The following PPP6R2 variants were observed in gnomAD, a reference collection of about 807,000 sequenced individuals.
The protein encoded by PPP6R2 is serine/threonine-protein phosphatase 6 regulatory subunit 2.
In PPP6R2, 62 loss-of-function variants were observed where a neutral mutation model predicts 100.2. The observed-to-expected ratio is 0.62, with a 90% CI of 0.50 to 0.76. PPP6R2 has a LOEUF of 0.76. PPP6R2 is among the 30% of genes least tolerant of loss of function. The pLI, the probability that PPP6R2 is intolerant of heterozygous loss-of-function variation, is 0.00. For missense variants in PPP6R2, 1,142 were observed against 1,276.3 expected, an observed-to-expected ratio of 0.89 and a Z score of 1.60; for synonymous variants, 525 against 514.7, an observed-to-expected ratio of 1.02 and a Z score of -0.27.
chr22:50,365,875 G>A (rs1475028757), intron 1 of PPP6R2, among the ~76,000 whole-genome samples: 2 of 151,928 alleles, frequency 1.3e-5, no homozygotes, highest in South Asian at 2.1e-4. Context: ...TTATAGACAT[G>A]AGCCCCTGTA....
chr22:50,370,975 G>C (rs1170685106), intron 1 of PPP6R2, among the ~76,000 whole-genome samples: 1 of 152,220 alleles, frequency 6.6e-6, no homozygotes, highest in Non-Finnish European at 1.5e-5. Flanking sequence ...GTAGAGGTCA[G>C]GGTATTGGGA....
At chr22:50,334,043 T>C in the PPP6R2 span, among the ~76,000 whole-genome samples, 1 of 152,272 alleles carries the variant, frequency 6.6e-6, no homozygotes, top group East Asian at 1.9e-4. Flanking sequence ...TTTAATACTT[T>C]CACTAACTTT....
At chr22:50,410,160 C>A (rs553575830) in intron 4 of PPP6R2, among the ~76,000 whole-genome samples, 5 of 151,834 alleles carry the variant, frequency 3.3e-5, no homozygotes. Flanking sequence ...CATACCCTGC[C>A]CCCCAAAAAT....
chr22:50,431,461 C>A lies in PPP6R2; in HGVS notation c.1335+79C>A. 7.7e-7 allele frequency: 1 copy of A among 1,300,126 alleles called. No homozygotes were observed. Among genetic ancestry groups the A allele is most frequent in the South Asian group, 1.3e-5 (1 of 77,550 alleles). 80.5% of individuals were successfully genotyped at this position (1,300,126 alleles called of 1,614,324 possible). On this transcript the variant is annotated intron_variant, in intron 11 of 23. Transcript: ENST00000612753. The surrounding 1 kb of genome is among the most constrained non-coding windows in gnomAD (Gnocchi z 4.8). ...GTGTCCATGTCAGCGCTGACGTGTG[C>A]CGGACCTCACTGTGCAGCTGACACG...
Position 50,431,331 on chromosome 22 carries a change from G to A in PPP6R2, c.1284G>A (p.Leu428=), listed in dbSNP as rs1337141141. The A allele has an allele frequency of 3.7e-6, 6 of 1,613,088 alleles. No individual in the cohort carries two copies. In the South Asian group the frequency reaches 5.5e-5, roughly 15 times the overall value. Residue 428 remains leucine (L), a synonymous_variant, in exon 11 of 24, where the codon CTG becomes CTA. Transcript: ENST00000612753. The surrounding 1 kb of genome is among the most constrained non-coding windows in gnomAD (Gnocchi z 4.8). ...EPPHENGNRS[L]ETPQPAASLP... ...CGCATGAGAACGGGAACCGGAGCCTGGAGACTCCCCAGCCGGCCGCCAGCC... is the reference window on the plus strand; with the variant it reads ...CGCATGAGAACGGGAACCGGAGCCTAGAGACTCCCCAGCCGGCCGCCAGCC...
At chr22:50,365,438 G>A (rs77524564) in intron 1 of PPP6R2, among the ~76,000 whole-genome samples, 32,399 of 151,708 alleles carry the variant, frequency 0.21, 4,993 homozygotes, top group African/African-American at 0.43. Flanking sequence ...CAGCACTTTC[G>A]GAGGCCGAGG....
intron 1 of PPP6R2, among the ~76,000 whole-genome samples, chr22:50,350,823 C>T (rs1479149418): frequency 3.5e-5 from 5 of 143,688 alleles, no homozygotes; most frequent in Admixed American, 7.1e-5. Flanking sequence ...CCAGCCTGGG[C>T]GACAGAGCAA....
chr22:50,338,989 GTAGTATGTGTGGTA>G (rs913132358), upstream of PPP6R2, among the ~76,000 whole-genome samples: 5 of 137,454 alleles, frequency 3.6e-5, no homozygotes, highest in Admixed American at 7.1e-5. Context: ...TGTGTGGTAT[GTAGTATGTGTGGTA>G]TGTGGTGTGT....
intron 4 of PPP6R2, among the ~76,000 whole-genome samples, chr22:50,413,535 T>G (rs973131692): frequency 6.6e-6 from 1 of 152,170 alleles, no homozygotes; most frequent in Non-Finnish European, 1.5e-5. Context: ...ATAATAGTTT[T>G]TATTTCTGTA....
chr22:50,427,211 G>A (rs2062310131), intron 10 of PPP6R2, among the ~76,000 whole-genome samples: 1 of 151,700 alleles, frequency 6.6e-6, no homozygotes, highest in Admixed American at 6.6e-5. Context: ...AAAACAGCTG[G>A]TGATGTGTGC....
intron 2 of PPP6R2, among the ~76,000 whole-genome samples, chr22:50,372,793 ATTC>A (rs1351974299): frequency 6.6e-6 from 1 of 151,178 alleles, no homozygotes. Flanking sequence ...GGATCAAGCG[ATTC>A]TTCTTCCTCA....
intron 2 of PPP6R2, among the ~76,000 whole-genome samples, chr22:50,380,730 C>T (rs2052695244): frequency 6.6e-6 from 1 of 150,738 alleles, no homozygotes; most frequent in Non-Finnish European, 1.5e-5. Context: ...TGGCTCACGC[C>T]TGTAATCCCA....
intron 1 of PPP6R2, among the ~76,000 whole-genome samples, chr22:50,361,659 A>G (rs569818035): frequency 6.6e-6 from 1 of 152,120 alleles, no homozygotes; most frequent in African/African-American, 2.4e-5. Flanking sequence ...AGCCCAGAGT[A>G]TGCCCTGCTT....
At chr22:50,387,331 A>C (rs972825645) in intron 2 of PPP6R2, among the ~76,000 whole-genome samples, 2 of 152,060 alleles carry the variant, frequency 1.3e-5, no homozygotes, top group African/African-American at 4.8e-5. Context: ...GGCCTCCCGA[A>C]TTGTTGGGAT....
intron 1 of PPP6R2, among the ~76,000 whole-genome samples, chr22:50,361,150 G>A (rs1274107208): frequency 5.3e-5 from 8 of 152,100 alleles, no homozygotes; most frequent in Admixed American, 2.0e-4. Flanking sequence ...GACTAGTTCG[G>A]TCCTGGGTAG....
At chr22:50,406,551 G>C (rs967563047) in intron 3 of PPP6R2, 138 bp from the exon 4 acceptor site, 27 of 763,188 alleles carry the variant, frequency 3.5e-5, no homozygotes, top group Admixed American at 1.5e-4. Context: ...AGGTAGTCAC[G>C]TTTTTGTTCT....
intron 3 of PPP6R2, among the ~76,000 whole-genome samples, chr22:50,397,321 T>A (rs1236641151): frequency 6.6e-6 from 1 of 152,126 alleles, no homozygotes; most frequent in Non-Finnish European, 1.5e-5. Flanking sequence ...AGGATATCCA[T>A]CTAAATTACC....
chr22:50,388,159 TA>T, intron 2 of PPP6R2, among the ~76,000 whole-genome samples: 1 of 149,992 alleles, frequency 6.7e-6, no homozygotes, highest in Non-Finnish European at 1.5e-5. Flanking sequence ...GTGGTCTCTA[TA>T]AAAAATTTTT....
At position 50,431,167 on chromosome 22, in the gene PPP6R2, A is replaced by C; in HGVS notation, c.1126-6A>C. The C allele has an allele frequency of 6.2e-7, 1 of 1,603,350 alleles. No homozygotes were observed. Among genetic ancestry groups the C allele is most frequent in the East Asian group, 2.2e-5 (1 of 44,764 alleles). ...AAGAACTGTCTTCTGTCCTCTGTTTACCCAGGACTTGTTCTTTAAGTACAC... is the reference window on the plus strand; with the variant it reads ...AAGAACTGTCTTCTGTCCTCTGTTTCCCCAGGACTTGTTCTTTAAGTACAC... On this transcript the variant is annotated splice_polypyrimidine_tract_variant and splice_region_variant and intron_variant, in intron 10 of 23. Transcript: ENST00000612753. This position sits in a 1 kb window ranked among gnomAD's most constrained non-coding sequence, Gnocchi z 4.8.
Sources: gnomAD v4.1 joint callset for allele counts (sites outside exome capture counted in the v4.1 genomes callset) on GRCh38, gnomAD v4.1.1 for gene constraint, Gnocchi (gnomAD v3.1) non-coding constraint, MANE v1.5 for transcripts, NCBI Gene and HGNC (gene_info 2026-07-23, HGNC 2026-07-21) for gene names.